Variants in PDE4D observed in about 807,000 individuals in gnomAD.
The protein encoded by PDE4D is 3',5'-cyclic-AMP phosphodiesterase 4D.
A neutral mutation model predicts 87.4 loss-of-function variants in PDE4D; 24 were observed. That is an observed-to-expected ratio of 0.27 (90% CI 0.20 to 0.39). The LOEUF (loss-of-function observed/expected upper bound fraction) is 0.39, where lower values mean the gene tolerates loss of function less well. PDE4D is among the 10% of genes least tolerant of loss of function. The pLI is 1.00. For synonymous variants in PDE4D, 384 were observed against 383.2 expected, an observed-to-expected ratio of 1.00 and a Z score of -0.02; for missense variants, 714 against 1,041.0, an observed-to-expected ratio of 0.69 and a Z score of 4.32.
intron 1 of PDE4D, among the ~76,000 whole-genome samples, chr5:59,676,904 A>G (rs1748183814): frequency 6.6e-6 from 1 of 152,138 alleles, no homozygotes; most frequent in Non-Finnish European, 1.5e-5. Flanking sequence ...CGTATTCTTA[A>G]CAAATATTTC....
At chr5:59,896,525 C>G (rs1188596893), upstream of PDE4D, among the ~76,000 whole-genome samples, 1 of 152,168 alleles carries the variant, frequency 6.6e-6, no homozygotes, top group Non-Finnish European at 1.5e-5. Context: ...TGAGAAGATG[C>G]TGCTTCAGTG....
At chr5:60,356,275 C>A (rs1759615174) in intron 1 of PDE4D, among the ~76,000 whole-genome samples, 1 of 152,138 alleles carries the variant, frequency 6.6e-6, no homozygotes, top group Non-Finnish European at 1.5e-5. Context: ...ACTGGCTCTG[C>A]TTATTGAACA....
intron 2 of PDE4D, among the ~76,000 whole-genome samples, chr5:60,130,522 C>T (rs1054804238): frequency 6.6e-6 from 1 of 152,120 alleles, no homozygotes; most frequent in African/African-American, 2.4e-5. Flanking sequence ...TAAACAGAGA[C>T]CATCCTTTTA....
At chr5:59,244,680 C>CTGTGTGTGTG (rs369829189) in intron 1 of PDE4D, among the ~76,000 whole-genome samples, 251 of 120,046 alleles carry the variant, frequency 2.1e-3, no homozygotes, top group South Asian at 7.7e-3. Flanking sequence ...GTGTGTGTGT[C>CTGTGTGTGTG]TGTGTGTGTG....
chr5:59,733,940 T>C (rs2150623390), intron 1 of PDE4D, among the ~76,000 whole-genome samples: 1 of 152,234 alleles, frequency 6.6e-6, no homozygotes, highest in Non-Finnish European at 1.5e-5. Context: ...AACCAATGGG[T>C]TAAGGATTAA....
chr5:59,977,330 T>C (rs577298647), intron 3 of PDE4D, among the ~76,000 whole-genome samples: 2 of 152,288 alleles, frequency 1.3e-5, no homozygotes, highest in Admixed American at 6.5e-5. Context: ...GTGGTCTGGA[T>C]AGAAGATCAA....
At chr5:59,256,685 C>T (rs1761032317) in intron 1 of PDE4D, among the ~76,000 whole-genome samples, 1 of 152,026 alleles carries the variant, frequency 6.6e-6, no homozygotes, top group South Asian at 2.1e-4. Context: ...CTTCCCTCCA[C>T]TCTCCCTGGC....
At chr5:59,672,125 T>A (rs1747316430) in intron 1 of PDE4D, among the ~76,000 whole-genome samples, 1 of 152,122 alleles carries the variant, frequency 6.6e-6, no homozygotes, top group Non-Finnish European at 1.5e-5. Context: ...AGGCAGAACC[T>A]CATTTCTGCC....
rs1582513968 is a variant in PDE4D, at chr5:59,420,870, A to G, written c.456-204902T>C. On this transcript the variant is annotated intron_variant, in intron 1 of 14. Transcript: ENST00000340635. Reference sequence around the variant, plus strand: ...CAAAAATAACAGCACAAACCAGAGCACATATTTTCAGTCAGGGTAGCAGGG... The same window carrying G: ...CAAAAATAACAGCACAAACCAGAGCGCATATTTTCAGTCAGGGTAGCAGGG... 2.0e-5 allele frequency among the ~76,000 whole-genome samples: 3 copies of G among 152,140 alleles called. No homozygotes were observed. In the East Asian group the frequency reaches 5.8e-4, roughly 29 times the overall value.
chr5:59,716,155 T>G (rs1223883614), intron 1 of PDE4D, among the ~76,000 whole-genome samples: 2 of 152,238 alleles, frequency 1.3e-5, no homozygotes, highest in Non-Finnish European at 2.9e-5. Flanking sequence ...TCAGTGAGTT[T>G]GGAGCACAGG....
chr5:59,296,119 G>A (rs76419605), intron 1 of PDE4D, among the ~76,000 whole-genome samples: 1,620 of 152,102 alleles, frequency 0.011, 6 homozygotes, highest in Non-Finnish European at 0.019. Context: ...GTTTGGGGTC[G>A]GGGTGGTTAC....
exon 3 of PDE4D, chr5:59,988,623 A>G: frequency 6.3e-7 from 1 of 1,599,362 alleles, no homozygotes; most frequent in Non-Finnish European, 8.5e-7. Flanking sequence ...GGGAAGCTGA[A>G]TATTGCGACA....
chr5:60,416,842 T>C (rs536880531), intron 1 of PDE4D, among the ~76,000 whole-genome samples: 1 of 152,344 alleles, frequency 6.6e-6, no homozygotes, highest in African/African-American at 2.4e-5. Flanking sequence ...TGGAACATGC[T>C]GTGTCCCACT....
At chr5:59,481,604 A>C (rs993579101) in intron 1 of PDE4D, among the ~76,000 whole-genome samples, 5 of 152,090 alleles carry the variant, frequency 3.3e-5, no homozygotes, top group African/African-American at 1.2e-4. Context: ...CTCCAGCGGT[A>C]GAGTTTTAAA....
At chr5:59,960,699 C>T (rs1233787001) in intron 3 of PDE4D, among the ~76,000 whole-genome samples, 3 of 151,856 alleles carry the variant, frequency 2.0e-5, no homozygotes, top group African/African-American at 7.3e-5. Context: ...ACACAAGGAA[C>T]TCAAAAAGAG....
chr5:59,701,735 G>A (rs1048151271), intron 1 of PDE4D, among the ~76,000 whole-genome samples: 4 of 152,218 alleles, frequency 2.6e-5, no homozygotes, highest in Non-Finnish European at 5.9e-5. Flanking sequence ...CAAGAAGGCT[G>A]TGTGGTGCAT....
chr5:59,720,256 G>C (rs1336471111), intron 1 of PDE4D, among the ~76,000 whole-genome samples: 3 of 152,026 alleles, frequency 2.0e-5, no homozygotes, highest in African/African-American at 7.2e-5. Flanking sequence ...TAAAATGCTG[G>C]GTTCAAGCAA....
intron 1 of PDE4D, among the ~76,000 whole-genome samples, chr5:59,238,373 T>C (rs1187005060): frequency 6.6e-6 from 1 of 152,158 alleles, no homozygotes; most frequent in Non-Finnish European, 1.5e-5. Flanking sequence ...GCATTTGGAA[T>C]AGTAGGTAAC....
At chr5:59,338,127 A>G (rs1778053981) in intron 1 of PDE4D, among the ~76,000 whole-genome samples, 1 of 152,228 alleles carries the variant, frequency 6.6e-6, no homozygotes, top group Non-Finnish European at 1.5e-5. Flanking sequence ...TGATATCCCA[A>G]AAATGTTGCC....
Sources: gnomAD v4.1 joint callset for allele counts (sites outside exome capture counted in the v4.1 genomes callset) on GRCh38, gnomAD v4.1.1 for gene constraint, MANE v1.5 for transcripts, NCBI Gene and HGNC (gene_info 2026-07-23, HGNC 2026-07-21) for gene names.